Variants in MLLT10 observed in about 807,000 individuals in gnomAD.
The protein encoded by MLLT10 is MLLT10 histone lysine methyltransferase DOT1L cofactor, also known as protein AF-10.
A neutral mutation model predicts 129.1 loss-of-function variants in MLLT10; 30 were observed. That is an observed-to-expected ratio of 0.23 (90% CI 0.17 to 0.32). The LOEUF (loss-of-function observed/expected upper bound fraction) is 0.32, where lower values mean the gene tolerates loss of function less well. Ranked by LOEUF, MLLT10 falls within the 10% of genes least tolerant of loss-of-function variation. The probability of loss-of-function intolerance (pLI) is 1.00; values close to 1 mark genes in which losing one functional copy is unlikely to be tolerated. For synonymous variants in MLLT10, 490 were observed against 446.4 expected (o/e 1.10, Z -1.23); for missense variants, 1,119 against 1,268.3 (o/e 0.88, Z 1.79).
At chr10:21,551,720 T>C (rs990841489) in intron 3 of MLLT10, 1 of 363,566 alleles carries the variant, frequency 2.8e-6, no homozygotes, top group Non-Finnish European at 5.2e-6. Flanking sequence ...TTGCCTAGCA[T>C]ATGGTATCTG....
At chr10:21,570,505 C>T (rs577750291) in intron 3 of MLLT10, among the ~76,000 whole-genome samples, 1 of 151,852 alleles carries the variant, frequency 6.6e-6, no homozygotes, top group South Asian at 2.1e-4. Context: ...ATATTATCTC[C>T]TGTTTTGTGG....
At chr10:21,657,285 C>T (rs186352389) in intron 9 of MLLT10, among the ~76,000 whole-genome samples, 5 of 150,294 alleles carry the variant, frequency 3.3e-5, no homozygotes, top group Admixed American at 6.7e-5. Flanking sequence ...CCCAGCTACA[C>T]GAGAGGCTGA....
intron 14 of MLLT10, among the ~76,000 whole-genome samples, chr10:21,722,329 C>G (rs1363801108): frequency 6.6e-6 from 1 of 152,156 alleles, no homozygotes; most frequent in East Asian, 1.9e-4. Context: ...ATAGGTACTT[C>G]TTTTCCAAAA....
chr10:21,616,920 G>C (rs568871118), intron 7 of MLLT10, among the ~76,000 whole-genome samples, 192 bp from the exon 8 acceptor site: 1 of 151,920 alleles, frequency 6.6e-6, no homozygotes, highest in South Asian at 2.1e-4. Flanking sequence ...TTAATGTTTA[G>C]ATTTTCTTTT....
At chr10:21,654,862 G>T (rs890434823) in intron 9 of MLLT10, among the ~76,000 whole-genome samples, 1 of 152,088 alleles carries the variant, frequency 6.6e-6, no homozygotes, top group Non-Finnish European at 1.5e-5. Context: ...CTGGTTCATG[G>T]TTTCTGGTGA....
chr10:21,594,604 T>G lies in MLLT10; in HGVS notation c.296-727T>G, dbSNP rs567999069. 3.3e-4 allele frequency among the ~76,000 whole-genome samples: 46 copies of G among 138,988 alleles called. 1 individual carries two copies. The highest frequency in any genetic ancestry group is 3.9e-3 in the Middle Eastern group (1 of 254). 91.2% of individuals were successfully genotyped at this position (138,988 alleles called of 152,430 possible). A position where few individuals can be genotyped will look rare whatever the true frequency, so the allele number is the denominator to read the frequency against. On this transcript the variant is annotated intron_variant, in intron 4 of 22. Transcript: ENST00000307729. Reference sequence around the variant, plus strand: ...ACCCTTCATCCTCACCACCGCTTTCTCTGAAATAGGCAAATGTTCCCTGGG... The same window carrying G: ...ACCCTTCATCCTCACCACCGCTTTCGCTGAAATAGGCAAATGTTCCCTGGG...
At chr10:21,570,195 C>T (rs1210465727) in intron 3 of MLLT10, among the ~76,000 whole-genome samples, 1 of 151,948 alleles carries the variant, frequency 6.6e-6, no homozygotes, top group Non-Finnish European at 1.5e-5. Flanking sequence ...AGGCGTGAGC[C>T]ACTGTGCCAG....
At chr10:21,612,208 T>A (rs537451759) in intron 5 of MLLT10, 140 bp from the exon 6 acceptor site, 7 of 529,426 alleles carry the variant, frequency 1.3e-5, no homozygotes, top group Middle Eastern at 4.2e-4. Flanking sequence ...AAAATTAGAT[T>A]ATTGTCCAAA....
chr10:21,703,060 T>G (rs1023254062), intron 13 of MLLT10, among the ~76,000 whole-genome samples: 1 of 152,166 alleles, frequency 6.6e-6, no homozygotes, highest in African/African-American at 2.4e-5. Flanking sequence ...TTTCTCTTTC[T>G]TCTTACTTTG....
intron 3 of MLLT10, among the ~76,000 whole-genome samples, chr10:21,572,863 G>T (rs1394680647): frequency 1.3e-5 from 2 of 151,888 alleles, no homozygotes; most frequent in African/African-American, 4.8e-5. Context: ...TGCCTGTTTC[G>T]GCCTTCCAAA....
chr10:21,610,186 C>A (rs2044461679), intron 5 of MLLT10, among the ~76,000 whole-genome samples: 1 of 152,138 alleles, frequency 6.6e-6, no homozygotes, highest in Non-Finnish European at 1.5e-5. Flanking sequence ...ATGGAACTTT[C>A]CACTCTACTA....
At chr10:21,551,246 T>G (rs552977954) in intron 3 of MLLT10, among the ~76,000 whole-genome samples, 1 of 148,838 alleles carries the variant, frequency 6.7e-6, no homozygotes, top group South Asian at 2.1e-4. Flanking sequence ...GATTTCTAAG[T>G]GCAAGAAGCC....
intron 3 of MLLT10, among the ~76,000 whole-genome samples, chr10:21,551,406 C>A (rs1564392590): frequency 1.6e-5 from 2 of 128,568 alleles, no homozygotes; most frequent in African/African-American, 5.8e-5. Context: ...CATTTACTAA[C>A]TTTTTTTTTG....
At position 21,713,827 on chromosome 10, in the gene MLLT10, G is replaced by C; in HGVS notation, c.1755G>C (p.Ser585=). The stretch of plus-strand genomic sequence containing the variant: ...CGTTTCCAAATGTAGTATCTGGCTC[G>C]GGATCTAGTACTCCTGTCTCCAGCT... ...AVSFPNVVSG[S]GSSTPVSSSH... is the part of the protein sequence containing the mutation. Residue 585 remains serine, a synonymous_variant, in exon 14 of 23, where the codon TCG becomes TCC. Transcript: ENST00000307729. 8 of 1,613,764 alleles carry C rather than the reference G, an allele frequency of 5.0e-6. No individual in the cohort carries two copies. The highest frequency in any genetic ancestry group is 6.8e-6 in the Non-Finnish European group (8 of 1,179,890).
At chr10:21,677,856 A>T (rs192661687) in intron 11 of MLLT10, among the ~76,000 whole-genome samples, 1 of 152,216 alleles carries the variant, frequency 6.6e-6, no homozygotes, top group Non-Finnish European at 1.5e-5. Context: ...AAACTATAAC[A>T]TTCACTATAA....
chr10:21,733,823 C>T lies in MLLT10; in HGVS notation c.2552C>T (p.Pro851Leu). ...TSSSSALSTP[P>L]PAGQSPAQQG... The stretch of plus-strand genomic sequence containing the variant: ...AGCTCATCAGCTCTTTCTACCCCAC[C>T]TCCTGCTGGGCAGAGTCCGGCTCAA... The change falls in exon 20 of 23, where the codon CCT becomes CTT. Residue 851 changes from proline to leucine, a missense_variant. This residue lies in a region of MLLT10 where 1,004 missense variants were observed against 1,008.7 expected (regional missense o/e 1.00). Coordinates refer to ENST00000307729, the MANE Select transcript of MLLT10 (RefSeq NM_001195626.3). 6.2e-7 allele frequency: 1 copy of T among 1,614,140 alleles called. No homozygotes were observed. The highest frequency in any genetic ancestry group is 1.3e-5 in the African/African-American group (1 of 75,044).
intron 13 of MLLT10, among the ~76,000 whole-genome samples, chr10:21,695,488 A>T (rs1207560299): frequency 6.6e-6 from 1 of 152,040 alleles, no homozygotes; most frequent in African/African-American, 2.4e-5. Context: ...ACTACAAGAT[A>T]CTCTGTGTTC....
At chr10:21,570,392 G>C (rs558862528) in intron 3 of MLLT10, among the ~76,000 whole-genome samples, 1 of 152,286 alleles carries the variant, frequency 6.6e-6, no homozygotes, top group South Asian at 2.1e-4. Context: ...CATGTTTCCA[G>C]TGACTGATAG....
intron 9 of MLLT10, among the ~76,000 whole-genome samples, chr10:21,662,715 T>C (rs1372370375): frequency 1.3e-5 from 2 of 152,236 alleles, no homozygotes; most frequent in Non-Finnish European, 2.9e-5. Context: ...TCACTTTATT[T>C]AAACTGTATT....
Sources: gnomAD v4.1 joint callset for allele counts (sites outside exome capture counted in the v4.1 genomes callset) on GRCh38, gnomAD v4.1.1 for gene constraint, gnomAD v4.1.1 regional missense constraint, MANE v1.5 for transcripts, NCBI Gene and HGNC (gene_info 2026-07-23, HGNC 2026-07-21) for gene names.